ARID4B: variants seen among roughly 807,000 people sequenced by gnomAD.
ARID4B encodes AT-rich interaction domain 4B.
Under a neutral mutation model 147.5 loss-of-function variants are expected in ARID4B, and 26 were observed. The observed-to-expected ratio is 0.18, with a 90% CI of 0.13 to 0.24. The LOEUF (loss-of-function observed/expected upper bound fraction) is 0.24, where lower values mean the gene tolerates loss of function less well. Among genes scored for constraint, ARID4B ranks in the 10% least tolerant of loss-of-function variants. The probability of loss-of-function intolerance (pLI) is 1.00; values close to 1 mark genes in which losing one functional copy is unlikely to be tolerated. For missense variants in ARID4B, 1,179 were observed against 1,511.5 expected (o/e 0.78, Z 3.65); for synonymous variants, 512 against 507.9 (o/e 1.01, Z -0.11).
chr1:235,273,410 T>C (rs994425774), intron 2 of ARID4B, among the ~76,000 whole-genome samples: 1 of 152,336 alleles, frequency 6.6e-6, no homozygotes, highest in African/African-American at 2.4e-5. Context: ...TGGTTTATTT[T>C]TATGTTACTG....
At chr1:235,271,108 T>C (rs78031370) in intron 2 of ARID4B, among the ~76,000 whole-genome samples, 143 of 152,196 alleles carry the variant, frequency 9.4e-4, no homozygotes, top group African/African-American at 3.3e-3. Context: ...ATCCCAGCAC[T>C]TCGGGAGACC....
chr1:235,236,858 A>G (rs866251278), intron 8 of ARID4B, among the ~76,000 whole-genome samples: 20 of 26,328 alleles, frequency 7.6e-4, no homozygotes, highest in Admixed American at 1.6e-3. Flanking sequence ...ATATATATAT[A>G]TATATTTTTT....
chr1:235,184,237 A>G (rs1344326668), intron 19 of ARID4B, among the ~76,000 whole-genome samples: 1 of 152,204 alleles, frequency 6.6e-6, no homozygotes, highest in Non-Finnish European at 1.5e-5. Context: ...CTGGTAAATC[A>G]TTTTATTGTT....
At chr1:235,326,849 C>A in intron 2 of ARID4B, 65 bp downstream of exon 2, 1 of 1,599,034 alleles carries the variant, frequency 6.3e-7, no homozygotes, top group South Asian at 1.1e-5. Flanking sequence ...ACGACGACCT[C>A]GTCGAAACCT....
chr1:235,299,072 A>T (rs562857576), intron 2 of ARID4B, among the ~76,000 whole-genome samples: 2 of 152,100 alleles, frequency 1.3e-5, no homozygotes, highest in Non-Finnish European at 2.9e-5. Context: ...TAGACAACAA[A>T]GTGAGATGCC....
intron 2 of ARID4B, among the ~76,000 whole-genome samples, chr1:235,293,403 A>G (rs918477151): frequency 5.3e-5 from 8 of 152,232 alleles, no homozygotes; most frequent in Admixed American, 2.0e-4. Flanking sequence ...AACATTTTCT[A>G]TACTGTCACC....
Position 235,229,050 on chromosome 1 carries a change from A to T in ARID4B, c.897+181T>A, listed in dbSNP as rs4659452. 6.4e-3 allele frequency: 4,347 copies of T among 678,682 alleles called. 179 individuals carry two copies. In the Admixed American group the frequency reaches 0.086, roughly 13 times the overall value. 42.0% of individuals were successfully genotyped at this position (678,682 alleles called of 1,614,324 possible). A position where few individuals can be genotyped will look rare whatever the true frequency, so the allele number is the denominator to read the frequency against. The stretch of plus-strand genomic sequence containing the variant: ...GGCTTAATATTTTCTATTTCACAAG[A>T]TCATATATCTAAAGTAACCAAGTAA... On this transcript the variant is annotated intron_variant, in intron 11 of 23. Transcript: ENST00000264183.
chr1:235,264,887 C>T (rs1444091416), intron 2 of ARID4B, among the ~76,000 whole-genome samples: 1 of 151,646 alleles, frequency 6.6e-6, no homozygotes, highest in Non-Finnish European at 1.5e-5. Context: ...GGTGAAACCC[C>T]ATCTCTACTT....
chr1:235,173,402 C>T (rs1663511617), intron 22 of ARID4B, among the ~76,000 whole-genome samples: 1 of 151,800 alleles, frequency 6.6e-6, no homozygotes, highest in Non-Finnish European at 1.5e-5. Flanking sequence ...CACCAAAATG[C>T]TAAATTGTAC....
At chr1:235,255,139 G>C (rs1669870508) in intron 5 of ARID4B, among the ~76,000 whole-genome samples, 2 of 151,296 alleles carry the variant, frequency 1.3e-5, no homozygotes, top group South Asian at 4.2e-4. Context: ...TAAGAAAACT[G>C]GAAACCTCAT....
At position 235,175,399 on chromosome 1, in the gene ARID4B, G is replaced by T; in HGVS notation, c.3449C>A (p.Thr1150Lys). 2 of 1,600,796 alleles carry T rather than the reference G, an allele frequency of 1.2e-6. No homozygotes were observed. Among genetic ancestry groups the T allele is most frequent in the Non-Finnish European group, 1.7e-6 (2 of 1,171,526 alleles). Residue 1150 changes from threonine to lysine, a missense_variant and splice_region_variant, in exon 22 of 24, where the codon ACA (threonine) becomes AAA (lysine). Transcript: ENST00000264183. ...AAGTTCTTCACTATCACTACTATTT[G>T]CTGAAAGAGAAAGAAAAGATTTAAT... ...VVNNKKKGKG[T>K]NSSDSEELSA...
rs190859489 is a variant in ARID4B at position 235,291,600 on chromosome 1, C to A, written c.7-30848G>T. ...CTGTTAATTCCAGCACTTTGGGAGG[C>A]CGAGGTGGGCAGATCACTTGAGGCC... On this transcript the variant is annotated intron_variant, in intron 2 of 23. Transcript: ENST00000264183. Among the ~76,000 whole-genome samples, 7 of 152,000 alleles carry A rather than the reference C, an allele frequency of 4.6e-5. No individual in the cohort carries two copies. In the East Asian group the frequency reaches 1.4e-3, roughly 29 times the overall value.
chr1:235,223,690 T>TTTTG (rs1202779378), intron 12 of ARID4B, among the ~76,000 whole-genome samples: 4 of 150,048 alleles, frequency 2.7e-5, no homozygotes, highest in Non-Finnish European at 5.9e-5. Context: ...GCTACATTTT[T>TTTTG]TTTTTTTTTT....
At chr1:235,320,390 T>C (rs1202123883) in intron 2 of ARID4B, among the ~76,000 whole-genome samples, 2 of 152,056 alleles carry the variant, frequency 1.3e-5, no homozygotes, top group Non-Finnish European at 2.9e-5. Flanking sequence ...CCCAATCCAT[T>C]GAAATCCAAT....
chr1:235,230,620 G>C (rs1384396925), intron 10 of ARID4B, among the ~76,000 whole-genome samples: 1,242 of 78,164 alleles, frequency 0.016, 13 homozygotes, highest in African/African-American at 0.036. Flanking sequence ...AAAAAAACCA[G>C]AAAAAAAAAG....
intron 12 of ARID4B, 122 bp from the exon 13 acceptor site, chr1:235,223,382 T>TATATACACGTATATATATATATATAC (rs71172272): frequency 0.014 from 2,929 of 213,554 alleles, 46 homozygotes; most frequent in East Asian, 0.02. Context: ...TATATATATA[T>TATATACACGTATATATATATATATAC]ACACGTATAT....
At chr1:235,311,356 CAATAATAATAATAATAATAATAATAAT>C (rs57278836) in intron 2 of ARID4B, among the ~76,000 whole-genome samples, 54 of 136,732 alleles carry the variant, frequency 3.9e-4, no homozygotes, top group African/African-American at 1.3e-3. Flanking sequence ...TGTCTCAAAA[CAATAATAATAATAATAATAATAATAAT>C]AATAATAATA....
At position 235,326,494 on chromosome 1, in the gene ARID4B, G is replaced by C. The variant is rs533949847; in HGVS notation, c.6+420C>G. On this transcript the variant is annotated intron_variant, in intron 2 of 23. Transcript: ENST00000264183. ...TTCAATTAAATTATTTTTGTGACGA[G>C]TCAAAGAGTTTTCTGCTAAAATTTT... Among the ~76,000 whole-genome samples the C allele has an allele frequency of 7.2e-5, 11 of 152,290 alleles. No homozygotes were observed. The South Asian group carries it at 1.9e-3, about 26-fold the overall frequency.
intron 2 of ARID4B, among the ~76,000 whole-genome samples, chr1:235,324,692 T>C (rs1675097450): frequency 6.6e-6 from 1 of 152,188 alleles, no homozygotes; most frequent in South Asian, 2.1e-4. Context: ...ATCCCAGCAC[T>C]TTGGGAGGCT....
Sources: allele counts gnomAD v4.1 joint callset (sites outside exome capture counted in the v4.1 genomes callset), GRCh38; gene constraint gnomAD v4.1.1; transcripts MANE v1.5; gene names NCBI Gene and HGNC (gene_info 2026-07-23, HGNC 2026-07-21).